VCAN: variants seen among roughly 807,000 people sequenced by gnomAD.
The protein encoded by VCAN is versican core protein.
Under a neutral mutation model 245.5 loss-of-function variants are expected in VCAN, and 44 were observed. The observed-to-expected ratio is 0.18, with a 90% CI of 0.14 to 0.23. The LOEUF is 0.23. Among genes scored for constraint, VCAN ranks in the 10% least tolerant of loss-of-function variants. The probability of loss-of-function intolerance (pLI) is 1.00; values close to 1 mark genes in which losing one functional copy is unlikely to be tolerated. For synonymous variants in VCAN, 1,413 were observed against 1,437.0 expected, an observed-to-expected ratio of 0.98 and a Z score of 0.38; for missense variants, 3,793 against 4,057.9, an observed-to-expected ratio of 0.93 and a Z score of 1.77.
intron 5 of VCAN, among the ~76,000 whole-genome samples, chr5:83,509,092 AGAAG>A (rs10536505): frequency 0.19 from 29,036 of 151,598 alleles, 2,996 homozygotes; most frequent in East Asian, 0.33. Flanking sequence ...AGAGAAAGAA[AGAAG>A]GAAGGAAGGA....
chr5:83,492,623 A>G (rs1745019066), intron 3 of VCAN, among the ~76,000 whole-genome samples: 1 of 152,162 alleles, frequency 6.6e-6, no homozygotes, highest in Admixed American at 6.5e-5. Flanking sequence ...TGAGCCCTGG[A>G]GCACAGTTCA....
At chr5:83,563,703 G>C (rs1747962795) in intron 12 of VCAN, among the ~76,000 whole-genome samples, 1 of 152,158 alleles carries the variant, frequency 6.6e-6, no homozygotes, top group Admixed American at 6.6e-5. Flanking sequence ...GTAGCTCTGG[G>C]AGTACAGCAG....
intron 1 of VCAN, among the ~76,000 whole-genome samples, chr5:83,473,031 T>C (rs1744250918): frequency 6.6e-6 from 1 of 152,130 alleles, no homozygotes; most frequent in African/African-American, 2.4e-5. Flanking sequence ...TCCTTACATA[T>C]TCCCCACCCT....
rs1473161987 is a variant in VCAN at position 83,541,138 on chromosome 5, A to G, written c.8135A>G (p.Glu2712Gly). The change falls in exon 8 of 15, where the codon GAA (glutamate) becomes GGA (glycine). Residue 2712 changes from glutamate to glycine, a missense_variant. Physicochemically the swap from Glu to Gly is moderately conservative, Grantham distance 98 (BLOSUM62 -2). Coordinates refer to ENST00000265077, the MANE Select transcript of VCAN (RefSeq NM_004385.5). Reference sequence around the variant, plus strand: ...CCAGAGATTGAAGGAATAAAAGCTGAAGCAAAAGCCCTGGATGACATGTTT... The same window carrying G: ...CCAGAGATTGAAGGAATAAAAGCTGGAGCAAAAGCCCTGGATGACATGTTT... ...VIPEIEGIKA[E>G]AKALDDMFES... 1 of 1,614,022 alleles carries G rather than the reference A, an allele frequency of 6.2e-7. No homozygotes were observed. The highest frequency in any genetic ancestry group is 8.5e-7 in the Non-Finnish European group (1 of 1,180,014).
At position 83,522,662 on chromosome 5, in the gene VCAN, A is replaced by G. The variant is rs184888355; in HGVS notation, c.4003+353A>G. 6.1e-3 allele frequency among the ~76,000 whole-genome samples: 924 copies of G among 152,340 alleles called. 14 individuals are homozygous for G. Among genetic ancestry groups the G allele is most frequent in the African/African-American group, 0.021 (877 of 41,578 alleles). ...AAGTGTAGCACTAGACTGTGTTAAC[A>G]TTCCATTGGTCTTTAACTATTAACC... On this transcript the variant is annotated intron_variant, in intron 7 of 14. Transcript: ENST00000265077.
chr5:83,544,257 C>G (rs1747114865), intron 8 of VCAN, among the ~76,000 whole-genome samples: 1 of 152,172 alleles, frequency 6.6e-6, no homozygotes, highest in Non-Finnish European at 1.5e-5. Flanking sequence ...GAAAAAGTGT[C>G]TTAGAAAACT....
At chr5:83,478,272 A>C (rs114563796) in intron 1 of VCAN, among the ~76,000 whole-genome samples, 7 of 152,252 alleles carry the variant, frequency 4.6e-5, no homozygotes, top group African/African-American at 1.7e-4. Context: ...GTTTGATGCA[A>C]GTTTGTGTTG....
At chr5:83,507,418 G>T (rs1745515288) in intron 5 of VCAN, among the ~76,000 whole-genome samples, 3 of 152,296 alleles carry the variant, frequency 2.0e-5, no homozygotes, top group Non-Finnish European at 4.4e-5. Flanking sequence ...AACTCTAAAG[G>T]TTGTACTGTG....
intron 7 of VCAN, among the ~76,000 whole-genome samples, chr5:83,529,893 A>T (rs1561250070): frequency 6.6e-6 from 1 of 152,120 alleles, no homozygotes; most frequent in African/African-American, 2.4e-5. Context: ...TTCATTTCCA[A>T]CTTCTAAGTA....
intron 6 of VCAN, among the ~76,000 whole-genome samples, chr5:83,514,726 T>A (rs941290178): frequency 6.6e-6 from 1 of 152,206 alleles, no homozygotes; most frequent in Non-Finnish European, 1.5e-5. Flanking sequence ...CCCAAAGTGC[T>A]GGGATTACAG....
chr5:83,498,082 T>G (rs16900470), intron 5 of VCAN, among the ~76,000 whole-genome samples: 1,549 of 152,284 alleles, frequency 0.01, 30 homozygotes, highest in African/African-American at 0.036. Flanking sequence ...CCCTGCCTTT[T>G]GGTATTTACT....
In VCAN at chr5:83,512,087, C is replaced by T. The variant is rs752605949; in HGVS notation, c.749-16C>T. 4 of 1,613,548 alleles carry T rather than the reference C, an allele frequency of 2.5e-6. No individual in the cohort carries two copies. Among genetic ancestry groups the T allele is most frequent in the Non-Finnish European group, 3.4e-6 (4 of 1,179,930 alleles). On this transcript the variant is annotated splice_polypyrimidine_tract_variant and intron_variant, in intron 5 of 14. Transcript: ENST00000265077. The stretch of plus-strand genomic sequence containing the variant: ...TAATAAAACTTTGGGCTTTTTTTCC[C>T]TTCTTTTTTTTCCAGGTGATGTGTT...
intron 12 of VCAN, among the ~76,000 whole-genome samples, chr5:83,556,721 T>A (rs1277612659): frequency 6.6e-6 from 1 of 152,184 alleles, no homozygotes; most frequent in Non-Finnish European, 1.5e-5. Context: ...ATAGCATGAA[T>A]CTTTATATTA....
At chr5:83,566,802 A>G (rs539446922) in intron 12 of VCAN, among the ~76,000 whole-genome samples, 5 of 152,328 alleles carry the variant, frequency 3.3e-5, no homozygotes, top group African/African-American at 1.2e-4. Flanking sequence ...CTTTTGTGTT[A>G]TTGTGAGACA....
chr5:83,545,457 T>C, intron 8 of VCAN, 80 bp from the exon 9 acceptor site: 2 of 1,077,692 alleles, frequency 1.9e-6, no homozygotes. Context: ...ATGGTAGCAA[T>C]ATGGGGCGTT....
rs372778379 is a variant in VCAN, at chr5:83,519,815, A to C, written c.1509A>C (p.Glu503Asp). 6.2e-7 allele frequency: 1 copy of C among 1,614,172 alleles called. No homozygotes were observed. The highest frequency in any genetic ancestry group is 1.3e-5 in the African/African-American group (1 of 75,054). ...IEVGPLVTSM[E>D]ILKHIPSKEF... Reference sequence around the variant, plus strand: ...TGGGTCCTTTGGTAACATCTATGGAAATCTTAAAGCACATTCCTTCCAAGG... The same window carrying C: ...TGGGTCCTTTGGTAACATCTATGGACATCTTAAAGCACATTCCTTCCAAGG... The change falls in exon 7 of 15, where the codon GAA becomes GAC. Residue 503 changes from glutamate to aspartate, a missense_variant. By Grantham distance (45) the Glu-to-Asp change is conservative (BLOSUM62 2). Transcript: ENST00000265077.
chr5:83,568,010 A>T (rs1156906923), intron 12 of VCAN, among the ~76,000 whole-genome samples: 1 of 152,208 alleles, frequency 6.6e-6, no homozygotes, highest in Non-Finnish European at 1.5e-5. Flanking sequence ...TATATATGAG[A>T]CACCATATTG....
rs376039194 is a variant in VCAN at position 83,537,601 on chromosome 5, C to G, written c.4598C>G (p.Ala1533Gly). 1.9e-6 allele frequency: 3 copies of G among 1,613,672 alleles called. No homozygotes were observed. Among genetic ancestry groups the G allele is most frequent in the Non-Finnish European group, 2.5e-6 (3 of 1,179,920 alleles). Residue 1533 changes from alanine to glycine, a missense_variant, in exon 8 of 15, where the codon GCA (alanine) becomes GGA (glycine). Around this residue, in one of 5 missense-constraint regions of VCAN, gnomAD observed 3,182 missense variants for 3,250.3 expected, o/e 0.98. Transcript: ENST00000265077. The stretch of plus-strand genomic sequence containing the variant: ...AGAGATACTGAAGTTGGTCATCAGG[C>G]ACATGAACATACTGAACCTGTATCT... Reference protein sequence around the residue: ...TERDTEVGHQAHEHTEPVSLF... With the variant: ...TERDTEVGHQGHEHTEPVSLF...
In VCAN at chr5:83,543,571, T is replaced by C. The variant is rs903063765; in HGVS notation, c.9265+1303T>C. ...GAAAATTGATCAAAGGTAGTTGACA[T>C]TGGGTTTTTTGTTATCACTGTGTGT... On this transcript the variant is annotated intron_variant, in intron 8 of 14. Transcript: ENST00000265077. Among the ~76,000 whole-genome samples, 4 of 152,326 alleles carry C rather than the reference T, an allele frequency of 2.6e-5. No individual in the cohort carries two copies. The East Asian group carries it at 5.8e-4, about 22-fold the overall frequency.
Sources: gnomAD v4.1 joint callset for allele counts (sites outside exome capture counted in the v4.1 genomes callset) on GRCh38, gnomAD v4.1.1 for gene constraint, gnomAD v4.1.1 regional missense constraint, MANE v1.5 for transcripts, NCBI Gene and HGNC (gene_info 2026-07-23, HGNC 2026-07-21) for gene names.